The following ADCK1 variants were observed in gnomAD, a reference collection of about 807,000 sequenced individuals.
The protein encoded by ADCK1 is aarF domain containing kinase 1, also known as aarF domain-containing protein kinase 1.
A neutral mutation model predicts 52.3 loss-of-function variants in ADCK1; 41 were observed. The ratio of observed to expected loss-of-function variants is 0.78; its 90% CI spans 0.61 to 1.02. The LOEUF (loss-of-function observed/expected upper bound fraction) is 1.02, where lower values mean the gene tolerates loss of function less well. ADCK1 is among the 50% of genes least tolerant of loss of function. The pLI is 0.00. For missense variants in ADCK1, 658 were observed against 679.5 expected (o/e 0.97, Z 0.35); for synonymous variants, 250 against 274.6 (o/e 0.91, Z 0.89).
At chr14:77,887,299 G>A in intron 5 of ADCK1, 50 bp downstream of exon 5, 2 of 1,484,684 alleles carry the variant, frequency 1.3e-6, no homozygotes, top group Non-Finnish European at 1.8e-6. Context: ...ACATTTCCCT[G>A]GGATCCAGGC....
intron 6 of ADCK1, among the ~76,000 whole-genome samples, chr14:77,905,178 A>G (rs1389666779): frequency 6.6e-6 from 1 of 152,088 alleles, no homozygotes. Flanking sequence ...GTTAGACTGG[A>G]ATGGTGATGT....
chr14:77,837,260 C>A (rs916974981), intron 3 of ADCK1, among the ~76,000 whole-genome samples: 1 of 151,652 alleles, frequency 6.6e-6, no homozygotes, highest in Non-Finnish European at 1.5e-5. Flanking sequence ...CCTCAGCCTC[C>A]CAAGTAGTTG....
At chr14:77,920,724 C>T (rs2084029491) in intron 7 of ADCK1, among the ~76,000 whole-genome samples, 1 of 152,178 alleles carries the variant, frequency 6.6e-6, no homozygotes, top group African/African-American at 2.4e-5. Context: ...TCATAGCTCA[C>T]TGCAGCCTGA....
At chr14:77,910,279 C>G (rs1263252994) in intron 7 of ADCK1, among the ~76,000 whole-genome samples, 2 of 152,070 alleles carry the variant, frequency 1.3e-5, no homozygotes, top group African/African-American at 4.8e-5. Context: ...AGAGTTCATC[C>G]TTCTATTTTA....
chr14:77,930,605 T>TG (rs1471686944), intron 9 of ADCK1, among the ~76,000 whole-genome samples: 1 of 152,162 alleles, frequency 6.6e-6, no homozygotes, highest in Non-Finnish European at 1.5e-5. Flanking sequence ...CTGGACTGCC[T>TG]GGGTTCACGT....
chr14:77,847,490 A>G (rs1004110965), intron 3 of ADCK1, among the ~76,000 whole-genome samples: 2 of 152,190 alleles, frequency 1.3e-5, no homozygotes, highest in African/African-American at 4.8e-5. Context: ...GAATTGCTTG[A>G]ACCCAGGAGG....
At chr14:77,888,755 T>C (rs2083216763) in intron 5 of ADCK1, among the ~76,000 whole-genome samples, 1 of 152,170 alleles carries the variant, frequency 6.6e-6, no homozygotes, top group Non-Finnish European at 1.5e-5. Flanking sequence ...TGATTACGTT[T>C]AGGTATATTT....
At chr14:77,890,968 G>T (rs7359160) in intron 5 of ADCK1, among the ~76,000 whole-genome samples, 9,440 of 152,172 alleles carry the variant, frequency 0.062, 353 homozygotes, top group Middle Eastern at 0.12. Context: ...AGATTCAAGC[G>T]ACTGGGAATG....
At chr14:77,806,654 C>T (rs1451002981) in intron 1 of ADCK1, among the ~76,000 whole-genome samples, 1 of 152,152 alleles carries the variant, frequency 6.6e-6, no homozygotes, top group East Asian at 1.9e-4. Context: ...CCACAGTAAA[C>T]TTGTTTAAAC....
rs1012415004 is a variant in ADCK1, at chr14:77,924,468, C to G, written c.870C>G (p.His290Gln). ...CTCTTCTCTTTCAGATCTCACGCCACCTGGGCAAGATGTATAGTGAGATGA... is the reference window on the plus strand; with the variant it reads ...CTCTTCTCTTTCAGATCTCACGCCAGCTGGGCAAGATGTATAGTGAGATGA... ...NKIDVNEISR[H>Q]LGKMYSEMIF... Residue 290 changes from histidine to glutamine, a missense_variant, in exon 8 of 11, where the codon CAC (histidine) becomes CAG (glutamine). Transcript: ENST00000238561. 7 of 1,613,952 alleles carry G rather than the reference C, an allele frequency of 4.3e-6. No individual in the cohort carries two copies. The Admixed American group carries it at 1.2e-4, about 27-fold the overall frequency.
At chr14:77,929,171 C>T (rs2084265298) in intron 9 of ADCK1, among the ~76,000 whole-genome samples, 1 of 152,196 alleles carries the variant, frequency 6.6e-6, no homozygotes. Context: ...GCCCTGCTCT[C>T]ATTGAGGATT....
rs2082387572 is a variant in ADCK1, at chr14:77,854,956, C to A, written c.220-4120C>A. 2.0e-5 allele frequency among the ~76,000 whole-genome samples: 3 copies of A among 152,218 alleles called. No individual in the cohort carries two copies. In the South Asian group the frequency reaches 6.2e-4, roughly 31 times the overall value. On this transcript the variant is annotated intron_variant, in intron 3 of 10. Coordinates refer to ENST00000238561, the MANE Select transcript of ADCK1 (RefSeq NM_020421.4). ...AACTCTGGACTACTATTCTTCTGCC[C>A]TAATTGCCCCATCATTAGGTAGTAG...
At chr14:77,932,501 C>G (rs2084364975) in intron 10 of ADCK1, among the ~76,000 whole-genome samples, 1 of 152,204 alleles carries the variant, frequency 6.6e-6, no homozygotes, top group East Asian at 1.9e-4. Flanking sequence ...GATGATTGTT[C>G]TCACTCAAGA....
intron 2 of ADCK1, among the ~76,000 whole-genome samples, chr14:77,820,365 C>G (rs189253809): frequency 1.3e-5 from 2 of 151,876 alleles, no homozygotes. Flanking sequence ...GGGTCTTGCT[C>G]TGTTGTCCAG....
In ADCK1 at chr14:77,875,876, C is replaced by T. The variant is rs1594991542; in HGVS notation, c.424-11215C>T. On this transcript the variant is annotated intron_variant, in intron 4 of 10. Transcript: ENST00000238561. ...GGCAGAACTAGGAAGCTGTGATGTT[C>T]CCCTTCCTGGTCTCACATCTTGGGG... Among the ~76,000 whole-genome samples the T allele has an allele frequency of 2.0e-5, 3 of 152,306 alleles. No homozygotes were observed. In the South Asian group the frequency reaches 6.2e-4, roughly 32 times the overall value.
chr14:77,900,692 A>G, intron 6 of ADCK1: 1 of 432,310 alleles, frequency 2.3e-6, no homozygotes, highest in South Asian at 1.7e-5. Context: ...TGTTTTGTGT[A>G]TTCCAATGTG....
At chr14:77,905,397 G>A (rs2083642924) in intron 6 of ADCK1, among the ~76,000 whole-genome samples, 2 of 138,714 alleles carry the variant, frequency 1.4e-5, no homozygotes, top group South Asian at 2.3e-4. Context: ...TGCAACCTCC[G>A]TCTCCCAGGT....
intron 7 of ADCK1, chr14:77,924,240 G>T (rs529733235): frequency 2.6e-5 from 15 of 582,000 alleles, no homozygotes; most frequent in Middle Eastern, 4.7e-4. Flanking sequence ...GCCTTGTACC[G>T]CCCACATGGT....
At chr14:77,931,064 G>A (rs982340354) in intron 9 of ADCK1, among the ~76,000 whole-genome samples, 5 of 152,184 alleles carry the variant, frequency 3.3e-5, no homozygotes, top group African/African-American at 9.7e-5. Flanking sequence ...GCAATGGAGC[G>A]TGAGCAGCAG....
Sources: gnomAD v4.1 joint callset for allele counts (sites outside exome capture counted in the v4.1 genomes callset) on GRCh38, gnomAD v4.1.1 for gene constraint, MANE v1.5 for transcripts, NCBI Gene and HGNC (gene_info 2026-07-23, HGNC 2026-07-21) for gene names.